OSBPL3: variants seen among roughly 807,000 people sequenced by gnomAD.
OSBPL3 encodes oxysterol-binding protein-related protein 3.
In OSBPL3, 65 loss-of-function variants were observed where a neutral mutation model predicts 120.1. The ratio of observed to expected loss-of-function variants is 0.54; its 90% confidence interval spans 0.44 to 0.67. The LOEUF is 0.67. Among genes scored for constraint, OSBPL3 ranks in the 30% least tolerant of loss-of-function variants. The pLI, the probability that OSBPL3 is intolerant of heterozygous loss-of-function variation, is 0.00. For synonymous variants in OSBPL3, 416 were observed against 402.6 expected, an observed-to-expected ratio of 1.03 and a Z score of -0.40; for missense variants, 1,004 against 1,082.1, an observed-to-expected ratio of 0.93 and a Z score of 1.01.
In OSBPL3 at chr7:24,849,465, T is replaced by C. The variant is rs1412653948; in HGVS notation, c.1159-289A>G. Reference sequence around the variant, plus strand: ...CAACAGAGAGGGAAGTCACAGACACTGTCGGCTTCTGTTAAGACCAGTGGT... The same window carrying C: ...CAACAGAGAGGGAAGTCACAGACACCGTCGGCTTCTGTTAAGACCAGTGGT... On this transcript the variant is annotated intron_variant, in intron 11 of 22. Transcript: ENST00000313367. This position sits in a 1 kb window ranked among gnomAD's most constrained non-coding sequence, Gnocchi z 5.4. 10 of 221,926 alleles carry C rather than the reference T, an allele frequency of 4.5e-5. No homozygotes were observed. The highest frequency in any genetic ancestry group is 9.0e-5 in the Non-Finnish European group (10 of 110,722). The allele number at this position is 221,926 out of a possible 1,614,324, so 13.7% of individuals were successfully genotyped here.
chr7:24,903,052 TAAGAC>T (rs1260892085), intron 1 of OSBPL3, among the ~76,000 whole-genome samples: 2 of 152,340 alleles, frequency 1.3e-5, no homozygotes, highest in South Asian at 4.1e-4. Flanking sequence ...AGTTAGACAG[TAAGAC>T]AAGGTGCTGC....
intron 1 of OSBPL3, among the ~76,000 whole-genome samples, chr7:24,909,776 TTTC>T (rs575632707): frequency 1.2e-4 from 15 of 121,750 alleles, no homozygotes; most frequent in South Asian, 8.1e-4. Flanking sequence ...CTGTTTTTTT[TTTC>T]TTTCTTTTTT....
At position 24,881,582 on chromosome 7, in the gene OSBPL3, G is replaced by A. The variant is rs982734405; in HGVS notation, c.97-9513C>T. Among the ~76,000 whole-genome samples, 1 of 152,186 alleles carries A rather than the reference G, an allele frequency of 6.6e-6. No homozygotes were observed. Among genetic ancestry groups the A allele is most frequent in the Admixed American group, 6.5e-5 (1 of 15,280 alleles). On this transcript the variant is annotated intron_variant, in intron 2 of 22. Coordinates refer to ENST00000313367, the MANE Select transcript of OSBPL3 (RefSeq NM_015550.4). The surrounding 1 kb of genome is among the most constrained non-coding windows in gnomAD (Gnocchi z 4.3). ...GGGAGATTCACACAAACCTGCTGCA[G>A]GAGTTCAGACAGGCATAATCTCCAA... is the stretch of plus-strand genomic sequence containing the variant.
At chr7:24,911,112 T>C (rs1808762870) in intron 1 of OSBPL3, among the ~76,000 whole-genome samples, 1 of 152,220 alleles carries the variant, frequency 6.6e-6, no homozygotes, top group East Asian at 1.9e-4. Context: ...AATTTTGGTA[T>C]TTAATTTTGT....
chr7:24,877,425 C>G lies in OSBPL3; in HGVS notation c.97-5356G>C, dbSNP rs1293547496. On this transcript the variant is annotated intron_variant, in intron 2 of 22. Coordinates refer to ENST00000313367, the MANE Select transcript of OSBPL3 (RefSeq NM_015550.4). This position sits in a 1 kb window ranked among gnomAD's most constrained non-coding sequence, Gnocchi z 4.8. ...TTTTTTTTCATATTTGGAAAGCCTG[C>G]CCCATCTACCTCTTAGCCAGGTAAA... is the stretch of plus-strand genomic sequence containing the variant. 6.6e-6 allele frequency among the ~76,000 whole-genome samples: 1 copy of G among 152,114 alleles called. No homozygotes were observed. Among genetic ancestry groups the G allele is most frequent in the African/African-American group, 2.4e-5 (1 of 41,412 alleles).
At chr7:24,970,069 T>C (rs1816825184) in intron 1 of OSBPL3, among the ~76,000 whole-genome samples, 1 of 151,170 alleles carries the variant, frequency 6.6e-6, no homozygotes, top group Admixed American at 6.6e-5. Flanking sequence ...CACTTCTGCC[T>C]AGAATGTCCT....
rs1320285355 is a variant in OSBPL3 at position 24,863,981 on chromosome 7, A to G, written c.674-382T>C. Among the ~76,000 whole-genome samples the G allele has an allele frequency of 1.3e-5, 2 of 152,244 alleles. No homozygotes were observed. Among genetic ancestry groups the G allele is most frequent in the African/African-American group, 2.4e-5 (1 of 41,464 alleles). On this transcript the variant is annotated intron_variant, in intron 7 of 22. Coordinates refer to ENST00000313367, the MANE Select transcript of OSBPL3 (RefSeq NM_015550.4). The surrounding 1 kb of genome is among the most constrained non-coding windows in gnomAD (Gnocchi z 5.8). The stretch of plus-strand genomic sequence containing the variant: ...GAGTGTTTGGCACAGAGTAAGAACT[A>G]AATAAATCAACCATCATCATCATCA...
In OSBPL3 at chr7:24,858,172, G is replaced by C. The variant is rs150363895; in HGVS notation, c.1027+3441C>G. On this transcript the variant is annotated intron_variant, in intron 10 of 22. Transcript: ENST00000313367. ...TTTAAAACTAGCATGGGTGTATTTTGGTTCCCTACCATTTGATCTACAAAA... is the reference window on the plus strand; with the variant it reads ...TTTAAAACTAGCATGGGTGTATTTTCGTTCCCTACCATTTGATCTACAAAA... 1.6e-4 allele frequency among the ~76,000 whole-genome samples: 24 copies of C among 152,220 alleles called. No individual in the cohort carries two copies. In the East Asian group the frequency reaches 4.6e-3, roughly 29 times the overall value.
intron 10 of OSBPL3, among the ~76,000 whole-genome samples, chr7:24,853,433 C>G (rs908506662): frequency 6.6e-6 from 1 of 152,092 alleles, no homozygotes; most frequent in Non-Finnish European, 1.5e-5. Flanking sequence ...TACAAGTTGG[C>G]CTATACTATT....
chr7:24,829,942 C>G (rs1354105646), intron 16 of OSBPL3, among the ~76,000 whole-genome samples: 1 of 152,142 alleles, frequency 6.6e-6, no homozygotes, highest in Non-Finnish European at 1.5e-5. Flanking sequence ...GATGCTGCTC[C>G]AAGTGCTTTG....
chr7:24,948,614 T>C (rs1227213223), intron 1 of OSBPL3, among the ~76,000 whole-genome samples: 1 of 152,226 alleles, frequency 6.6e-6, no homozygotes, highest in Non-Finnish European at 1.5e-5. Flanking sequence ...GTCTCCATCT[T>C]TTCTTTGAGT....
chr7:24,840,098 C>T (rs983423829), intron 14 of OSBPL3, among the ~76,000 whole-genome samples: 2 of 147,492 alleles, frequency 1.4e-5, no homozygotes, highest in South Asian at 4.3e-4. Context: ...CATAAGCAGA[C>T]AAATTTATTT....
Position 24,872,039 on chromosome 7 carries a change from C to A in OSBPL3, c.127G>T (p.Gly43Trp). 2 of 1,613,628 alleles carry A rather than the reference C, an allele frequency of 1.2e-6. No homozygotes were observed. The highest frequency in any genetic ancestry group is 1.3e-5 in the African/African-American group (1 of 75,014). Reference sequence around the variant, plus strand: ...GGCTCCTGGGTGTAATTCATCTCCCCCCTCAGTCCTTCCACCACTTCCCAG... The same window carrying A: ...GGCTCCTGGGTGTAATTCATCTCCCACCTCAGTCCTTCCACCACTTCCCAG... ...DSWEVVEGLRGEMNYTQEPPV... is the reference protein window; with the variant it reads ...DSWEVVEGLRWEMNYTQEPPV... The change falls in exon 3 of 23, where the codon GGG (glycine) becomes TGG (tryptophan). Residue 43 changes from glycine (G) to tryptophan (W), a missense_variant. By Grantham distance (184) the Gly-to-Trp change is radical. Coordinates refer to ENST00000313367, the MANE Select transcript of OSBPL3 (RefSeq NM_015550.4). The surrounding 1 kb of genome is among the most constrained non-coding windows in gnomAD (Gnocchi z 4.1).
At chr7:24,880,019 TAA>T (rs1268217907) in intron 2 of OSBPL3, among the ~76,000 whole-genome samples, 1 of 152,202 alleles carries the variant, frequency 6.6e-6, no homozygotes, top group East Asian at 1.9e-4. Flanking sequence ...CTTAGACTAT[TAA>T]AGATGAAAAC....
In OSBPL3 at chr7:24,965,375, A is replaced by C. The variant is rs76425130; in HGVS notation, c.-150+14511T>G. 0.033 allele frequency among the ~76,000 whole-genome samples: 5,004 copies of C among 152,320 alleles called. 277 individuals are homozygous for C. Among genetic ancestry groups the C allele is most frequent in the African/African-American group, 0.11 (4,731 of 41,558 alleles). On this transcript the variant is annotated intron_variant, in intron 1 of 22. Coordinates refer to ENST00000313367, the MANE Select transcript of OSBPL3 (RefSeq NM_015550.4). The surrounding 1 kb of genome is among the most constrained non-coding windows in gnomAD (Gnocchi z 4.3). Reference sequence around the variant, plus strand: ...CTTAGTCGTCCAACAAGGTTAATAAATCCCCTGCCTACCTCACAGGGTTAT... The same window carrying C: ...CTTAGTCGTCCAACAAGGTTAATAACTCCCCTGCCTACCTCACAGGGTTAT...
chr7:24,904,961 G>GTGTGTGTGTGTGTGTGT, intron 1 of OSBPL3, among the ~76,000 whole-genome samples: 1 of 145,130 alleles, frequency 6.9e-6, no homozygotes, highest in South Asian at 2.2e-4. Flanking sequence ...GTGTGTGTGT[G>GTGTGTGTGTGTGTGTGT]AATAAAGTTA....
At chr7:24,861,903 G>C (rs539813145) in intron 9 of OSBPL3, 134 bp from the exon 10 acceptor site, 1 of 522,800 alleles carries the variant, frequency 1.9e-6, no homozygotes, top group Non-Finnish European at 3.2e-6. Flanking sequence ...TTTTTTTTGG[G>C]GGGGATGGAG....
At chr7:24,875,337 A>C (rs1325584307) in intron 2 of OSBPL3, among the ~76,000 whole-genome samples, 1 of 152,254 alleles carries the variant, frequency 6.6e-6, no homozygotes, top group Admixed American at 6.5e-5. Flanking sequence ...AGTTATTAAT[A>C]TAGCACACCT....
chr7:24,854,832 G>A lies in OSBPL3; in HGVS notation c.1028-2198C>T, dbSNP rs1799635755. Among the ~76,000 whole-genome samples, 1 of 152,182 alleles carries A rather than the reference G, an allele frequency of 6.6e-6. No homozygotes were observed. The highest frequency in any genetic ancestry group is 2.1e-4 in the South Asian group (1 of 4,818). ...ATAATAACTTTTACTTTAAATGGTT[G>A]TCATGAGGATTGAATGAGAGAGGGA... On this transcript the variant is annotated intron_variant, in intron 10 of 22. Coordinates refer to ENST00000313367, the MANE Select transcript of OSBPL3 (RefSeq NM_015550.4). The surrounding 1 kb of genome is among the most constrained non-coding windows in gnomAD (Gnocchi z 4.1).
Sources: gnomAD v4.1 joint callset for allele counts (sites outside exome capture counted in the v4.1 genomes callset) on GRCh38, gnomAD v4.1.1 for gene constraint, Gnocchi (gnomAD v3.1) non-coding constraint, MANE v1.5 for transcripts, NCBI Gene and HGNC (gene_info 2026-07-23, HGNC 2026-07-21) for gene names.